The following DCC variants were observed in gnomAD, a reference collection of about 807,000 sequenced individuals.
DCC encodes the protein DCC netrin 1 receptor, also known as netrin receptor DCC.
A neutral mutation model predicts 172.5 loss-of-function variants in DCC; 58 were observed. That is an observed-to-expected ratio of 0.34 (90% CI 0.27 to 0.42). The LOEUF (loss-of-function observed/expected upper bound fraction) is 0.42, where lower values mean the gene tolerates loss of function less well. Among genes scored for constraint, DCC ranks in the 10% least tolerant of loss-of-function variants. The pLI, the probability that DCC is intolerant of heterozygous loss-of-function variation, is 1.00. For synonymous variants in DCC, 709 were observed against 644.5 expected, an observed-to-expected ratio of 1.10 and a Z score of -1.52; for missense variants, 1,740 against 1,791.0, an observed-to-expected ratio of 0.97 and a Z score of 0.51.
chr18:52,968,672 C>T (rs928573119), intron 5 of DCC, among the ~76,000 whole-genome samples: 1 of 152,090 alleles, frequency 6.6e-6, no homozygotes, highest in Admixed American at 6.6e-5. Context: ...TAAATAATGG[C>T]CAATAAAGGT....
chr18:53,430,000 G>A (rs979204416), intron 21 of DCC, among the ~76,000 whole-genome samples: 1 of 152,154 alleles, frequency 6.6e-6, no homozygotes, highest in African/African-American at 2.4e-5. Context: ...CAACTGCCTG[G>A]TAAACCGATC....
Position 52,872,362 on chromosome 18 carries a change from G to A in DCC, c.413-33682G>A, listed in dbSNP as rs140525421. On this transcript the variant is annotated intron_variant, in intron 2 of 28. Transcript: ENST00000442544. ...ATGTTCCTTTCAGACTTTTAAAGGT[G>A]TCAGAAGCTCAGTTAATCTTTTCTA... is the stretch of plus-strand genomic sequence containing the variant. 1.9e-3 allele frequency among the ~76,000 whole-genome samples: 284 copies of A among 152,226 alleles called. 1 individual carries two copies. The highest frequency in any genetic ancestry group is 6.2e-3 in the African/African-American group (257 of 41,544).
chr18:52,525,664 T>C (rs545491898), intron 1 of DCC, among the ~76,000 whole-genome samples: 1 of 152,284 alleles, frequency 6.6e-6, no homozygotes, highest in African/African-American at 2.4e-5. Flanking sequence ...TTAAATATGG[T>C]TGATTAAAAA....
At chr18:52,568,874 A>G (rs563672187) in intron 1 of DCC, among the ~76,000 whole-genome samples, 2 of 152,228 alleles carry the variant, frequency 1.3e-5, no homozygotes, top group South Asian at 2.1e-4. Context: ...AATTATTCCA[A>G]TTTATTACAG....
intron 7 of DCC, among the ~76,000 whole-genome samples, chr18:53,129,101 G>T (rs2043613986): frequency 6.6e-6 from 1 of 151,618 alleles, no homozygotes; most frequent in Non-Finnish European, 1.5e-5. Context: ...TGGCCAGGCT[G>T]GTCTCAAACT....
At chr18:52,877,057 C>T (rs2039414320) in intron 2 of DCC, among the ~76,000 whole-genome samples, 1 of 151,876 alleles carries the variant, frequency 6.6e-6, no homozygotes, top group Non-Finnish European at 1.5e-5. Flanking sequence ...CATTGTTTAC[C>T]TGAAATTCAA....
chr18:52,346,086 G>A (rs1983866138), intron 1 of DCC, among the ~76,000 whole-genome samples: 1 of 152,182 alleles, frequency 6.6e-6, no homozygotes, highest in African/African-American at 2.4e-5. Flanking sequence ...CTGACCCAAT[G>A]TATTTAAGAT....
At chr18:52,760,237 A>G (rs2037137378) in intron 2 of DCC, among the ~76,000 whole-genome samples, 1 of 152,204 alleles carries the variant, frequency 6.6e-6, no homozygotes, top group Non-Finnish European at 1.5e-5. Context: ...AGAGAAGTGC[A>G]GAGTGAAGTG....
intron 1 of DCC, among the ~76,000 whole-genome samples, chr18:52,413,450 A>G (rs1458994964): frequency 6.6e-6 from 1 of 151,852 alleles, no homozygotes; most frequent in Non-Finnish European, 1.5e-5. Flanking sequence ...CTATCTTTCT[A>G]TGTATCTGTC....
chr18:52,423,425 C>T (rs1598806854), intron 1 of DCC, among the ~76,000 whole-genome samples: 2 of 152,190 alleles, frequency 1.3e-5, no homozygotes, highest in East Asian at 3.9e-4. Context: ...TCTGAAACAC[C>T]TGCTTCCTAT....
At chr18:52,614,464 G>A (rs1242146785) in intron 1 of DCC, among the ~76,000 whole-genome samples, 3 of 152,166 alleles carry the variant, frequency 2.0e-5, no homozygotes, top group Admixed American at 1.3e-4. Context: ...TATTAGGTTG[G>A]TACAAAAGTA....
At chr18:52,347,054 TC>T (rs1983909734) in intron 1 of DCC, among the ~76,000 whole-genome samples, 1 of 152,194 alleles carries the variant, frequency 6.6e-6, no homozygotes. Context: ...TGAAGGCTAC[TC>T]CTAAGAGTAT....
At chr18:52,960,721 C>T (rs1331797628) in intron 5 of DCC, among the ~76,000 whole-genome samples, 1 of 152,078 alleles carries the variant, frequency 6.6e-6, no homozygotes, top group Non-Finnish European at 1.5e-5. Flanking sequence ...AATTTGGCTT[C>T]CTCTCCCTCT....
At chr18:52,491,902 G>A (rs866044383) in intron 1 of DCC, among the ~76,000 whole-genome samples, 2 of 151,980 alleles carry the variant, frequency 1.3e-5, no homozygotes, top group African/African-American at 4.8e-5. Flanking sequence ...TTCCTGTCTG[G>A]AGCGCAGAGG....
chr18:53,383,641 T>G (rs1300008800), intron 15 of DCC, among the ~76,000 whole-genome samples: 1 of 151,440 alleles, frequency 6.6e-6, no homozygotes, highest in East Asian at 1.9e-4. Flanking sequence ...CTGCAGTCTG[T>G]GTATTAGGGA....
intron 8 of DCC, among the ~76,000 whole-genome samples, chr18:53,176,967 G>A (rs1270993621): frequency 1.3e-5 from 2 of 151,786 alleles, no homozygotes; most frequent in Non-Finnish European, 2.9e-5. Flanking sequence ...AAGAAAATGT[G>A]GCACATATAC....
chr18:52,489,411 C>T (rs1264335955), intron 1 of DCC, among the ~76,000 whole-genome samples: 4 of 151,986 alleles, frequency 2.6e-5, no homozygotes, highest in Admixed American at 2.0e-4. Context: ...TGATAGTAAA[C>T]CTAGAGGACT....
At chr18:52,828,667 G>A (rs1005248214) in intron 2 of DCC, among the ~76,000 whole-genome samples, 4 of 152,048 alleles carry the variant, frequency 2.6e-5, no homozygotes, top group African/African-American at 4.8e-5. Flanking sequence ...AAACTATATG[G>A]TATGAAAAAC....
intron 1 of DCC, among the ~76,000 whole-genome samples, chr18:52,593,813 G>A (rs952176633): frequency 2.0e-5 from 3 of 152,138 alleles, no homozygotes; most frequent in South Asian, 2.1e-4. Context: ...CTAGACATTG[G>A]CAATTGTCCC....
Sources: gnomAD v4.1 joint callset for allele counts (sites outside exome capture counted in the v4.1 genomes callset) on GRCh38, gnomAD v4.1.1 for gene constraint, MANE v1.5 for transcripts, NCBI Gene and HGNC (gene_info 2026-07-23, HGNC 2026-07-21) for gene names.